The following OR7C1 variants were observed in gnomAD, a reference collection of about 807,000 sequenced individuals.
OR7C1 encodes olfactory receptor 7C1.
For missense variants in OR7C1, 324 were observed against 383.3 expected (o/e 0.85, Z 1.29); for synonymous variants, 152 against 160.7 (o/e 0.95, Z 0.41).
chr19:14,809,351 A>G (rs529643162), intron 2 of OR7C1, among the ~76,000 whole-genome samples: 1 of 151,982 alleles, frequency 6.6e-6, no homozygotes, highest in Non-Finnish European at 1.5e-5. Context: ...GCACATACGT[A>G]AAGGAAGGTC....
intron 1 of OR7C1, among the ~76,000 whole-genome samples, chr19:14,812,796 G>A (rs2044697498): frequency 6.6e-6 from 1 of 152,040 alleles, no homozygotes. Context: ...GGGCATGGTG[G>A]CTCATACCTG....
chr19:14,834,636 A>T (rs1475350928), intron 1 of OR7C1, among the ~76,000 whole-genome samples: 2 of 151,836 alleles, frequency 1.3e-5, no homozygotes, highest in African/African-American at 2.4e-5. Flanking sequence ...CAATCCGTTC[A>T]TCTGGATTTT....
intron 1 of OR7C1, among the ~76,000 whole-genome samples, chr19:14,831,807 G>C (rs557654364): frequency 6.6e-6 from 1 of 152,032 alleles, no homozygotes; most frequent in East Asian, 1.9e-4. Context: ...CAAATCCAAT[G>C]AGCTTGTTTC....
chr19:14,818,124 C>G (rs568421568), intron 1 of OR7C1, among the ~76,000 whole-genome samples: 6 of 149,750 alleles, frequency 4.0e-5, no homozygotes, highest in African/African-American at 1.5e-4. Flanking sequence ...GAGTCTCGCT[C>G]TGTCCCCTAG....
chr19:14,799,717 G>T (rs749763245), exon 5 of OR7C1: 1 of 1,614,126 alleles, frequency 6.2e-7, no homozygotes, highest in Non-Finnish European at 8.5e-7. Context: ...GCAGTCCACA[G>T]AGCTGGGGGT....
intron 1 of OR7C1, among the ~76,000 whole-genome samples, chr19:14,831,852 C>T (rs186655888): frequency 4.9e-4 from 75 of 152,198 alleles, no homozygotes; most frequent in South Asian, 3.7e-3. Flanking sequence ...CCTGCCCAGA[C>T]CATATTACAT....
intron 1 of OR7C1, among the ~76,000 whole-genome samples, chr19:14,817,505 A>G (rs1276402460): frequency 2.0e-5 from 3 of 152,110 alleles, no homozygotes; most frequent in African/African-American, 7.2e-5. Context: ...TTCAGGGTAA[A>G]ATTCAGACTT....
At chr19:14,825,838 A>G (rs546518715) in intron 1 of OR7C1, 1 of 152,614 alleles carries the variant, frequency 6.6e-6, no homozygotes, top group South Asian at 2.1e-4. Context: ...AGACAAGAAA[A>G]GCATCATCTT....
chr19:14,818,096 T>TAA (rs2044724598), intron 1 of OR7C1, among the ~76,000 whole-genome samples: 1 of 151,126 alleles, frequency 6.6e-6, no homozygotes, highest in Admixed American at 6.6e-5. Context: ...ATTTATTTAT[T>TAA]TATTTATTTT....
chr19:14,808,175 C>T lies in OR7C1; in HGVS notation c.-435+1631G>A, dbSNP rs545597036. On this transcript the variant is annotated intron_variant, in intron 2 of 4. Transcript: ENST00000641666. ...ACTGCTTATGTGCTGTTGGTGGGAA[C>T]GCAAATTAATTCAGTCTCTATGGAA... 1.4e-3 allele frequency among the ~76,000 whole-genome samples: 205 copies of T among 151,110 alleles called. 6 individuals are homozygous for T. The highest frequency in any genetic ancestry group is 4.9e-3 in the African/African-American group (200 of 41,060).
At chr19:14,801,228 A>C (rs551701013) in intron 2 of OR7C1, among the ~76,000 whole-genome samples, 2 of 152,282 alleles carry the variant, frequency 1.3e-5, no homozygotes, top group African/African-American at 4.8e-5. Flanking sequence ...GGAGCTCAAT[A>C]ACTATGCTTT....
intron 1 of OR7C1, among the ~76,000 whole-genome samples, chr19:14,820,839 G>C (rs1267667219): frequency 6.6e-6 from 1 of 152,196 alleles, no homozygotes; most frequent in Non-Finnish European, 1.5e-5. Context: ...AATTGGACTA[G>C]AGAGTGCCCA....
intron 1 of OR7C1, among the ~76,000 whole-genome samples, chr19:14,821,686 C>T (rs929587602): frequency 3.3e-5 from 5 of 152,128 alleles, no homozygotes; most frequent in African/African-American, 1.2e-4. Flanking sequence ...ATATGATGTG[C>T]TTGAATATTT....
At chr19:14,820,567 A>G (rs1452208591) in intron 1 of OR7C1, among the ~76,000 whole-genome samples, 1 of 152,104 alleles carries the variant, frequency 6.6e-6, no homozygotes, top group Non-Finnish European at 1.5e-5. Context: ...AAGAAAAAAA[A>G]TCACACAGGA....
chr19:14,806,702 A>G (rs1216232804), intron 2 of OR7C1, among the ~76,000 whole-genome samples: 2 of 151,966 alleles, frequency 1.3e-5, no homozygotes, highest in Non-Finnish European at 2.9e-5. Flanking sequence ...TGTCCCTGCA[A>G]AGGACATGGT....
At chr19:14,829,080 C>G (rs547443055) in intron 1 of OR7C1, among the ~76,000 whole-genome samples, 1 of 152,122 alleles carries the variant, frequency 6.6e-6, no homozygotes, top group Non-Finnish European at 1.5e-5. Flanking sequence ...TATTCAAGAC[C>G]TGCAAACAAG....
chr19:14,828,140 C>T (rs765683311), intron 1 of OR7C1: 5 of 1,614,056 alleles, frequency 3.1e-6, no homozygotes, highest in Non-Finnish European at 4.2e-6. Flanking sequence ...TGACCAGGTA[C>T]ATGGACAGGA....
At chr19:14,827,405 A>T in intron 1 of OR7C1, 2 of 1,614,130 alleles carry the variant, frequency 1.2e-6, no homozygotes, top group Non-Finnish European at 1.7e-6. Context: ...GGGTGACCAC[A>T]GTGTACATCA....
At chr19:14,817,712 CTATT>C in intron 1 of OR7C1, among the ~76,000 whole-genome samples, 1 of 152,176 alleles carries the variant, frequency 6.6e-6, no homozygotes, top group South Asian at 2.1e-4. Context: ...CATAATCAAT[CTATT>C]TAGTATGCTA....
Sources: allele counts gnomAD v4.1 joint callset (sites outside exome capture counted in the v4.1 genomes callset), GRCh38; gene constraint gnomAD v4.1.1; transcripts MANE v1.5; gene names NCBI Gene and HGNC (gene_info 2026-07-23, HGNC 2026-07-21).